GSDMA: variants seen among roughly 807,000 people sequenced by gnomAD.
GSDMA encodes gasdermin-A.
GSDMA carries 55 observed loss-of-function variants against 54.3 expected under a neutral mutation model. The observed-to-expected ratio is 1.01, with a 90% confidence interval of 0.82 to 1.27. The LOEUF is 1.27. GSDMA is among the 50% of genes most tolerant of loss of function. GSDMA has a pLI of 0.00. For missense variants in GSDMA, 542 were observed against 542.6 expected (o/e 1.00, Z 0.01); for synonymous variants, 211 against 224.7 (o/e 0.94, Z 0.54).
At chr17:39,971,201 A>G (rs1034735118) in intron 4 of GSDMA, among the ~76,000 whole-genome samples, 1 of 152,170 alleles carries the variant, frequency 6.6e-6, no homozygotes, top group Non-Finnish European at 1.5e-5. Context: ...CAGGGCTTGG[A>G]TGGAAGCTCT....
chr17:39,965,048 C>T lies in GSDMA; in HGVS notation c.-5-635C>T, dbSNP rs557085669. Among the ~76,000 whole-genome samples, 11 of 151,504 alleles carry T rather than the reference C, an allele frequency of 7.3e-5. No homozygotes were observed. The South Asian group carries it at 1.5e-3, about 20-fold the overall frequency. Reference sequence around the variant, plus strand: ...AGTGGGAGGATCAATTAAGCCTTGGCGGTCAAGGCTGCAGTGAGCTGTGAT... The same window carrying T: ...AGTGGGAGGATCAATTAAGCCTTGGTGGTCAAGGCTGCAGTGAGCTGTGAT... On this transcript the variant is annotated intron_variant, in intron 1 of 11. Coordinates refer to ENST00000301659, the MANE Select transcript of GSDMA (RefSeq NM_178171.5).
At chr17:39,965,155 G>A (rs984318011) in intron 1 of GSDMA, among the ~76,000 whole-genome samples, 6 of 148,952 alleles carry the variant, frequency 4.0e-5, no homozygotes, top group Admixed American at 2.7e-4. Context: ...AAGGAAAGGC[G>A]AGGTGGAGGG....
chr17:39,966,020 C>T, intron 2 of GSDMA, 119 bp downstream of exon 2: 1 of 956,694 alleles, frequency 1.0e-6, no homozygotes, highest in African/African-American at 1.6e-5. Context: ...TCATCTAGCC[C>T]AAAGTCATCA....
At chr17:39,976,548 G>A (rs540351697) in intron 11 of GSDMA, among the ~76,000 whole-genome samples, 1 of 152,304 alleles carries the variant, frequency 6.6e-6, no homozygotes, top group African/African-American at 2.4e-5. Context: ...AAAGTGCTGG[G>A]ATTACAGGTG....
At chr17:39,972,498 T>C in intron 6 of GSDMA, 89 bp from the exon 7 acceptor site, 1 of 1,192,540 alleles carries the variant, frequency 8.4e-7, no homozygotes, top group South Asian at 1.3e-5. Flanking sequence ...TTTATAATGA[T>C]CACTGATGAA....
Position 39,977,292 on chromosome 17 carries a change from CTTTTT to C in GSDMA, c.*247_*251del. ...CTTAAATTTTCTTTACTTTTCTTTT[CTTTTT>C]TTTTTTTTTTTTGAGATGGAGGCTC... On this transcript the variant is annotated 3_prime_UTR_variant, in exon 12 of 12. Coordinates refer to ENST00000301659, the MANE Select transcript of GSDMA (RefSeq NM_178171.5). The C allele has an allele frequency of 2.3e-4, 14 of 60,158 alleles. No homozygotes were observed. Among genetic ancestry groups the C allele is most frequent in the South Asian group, 1.2e-3 (4 of 3,408 alleles). 3.7% of individuals were successfully genotyped at this position (60,158 alleles called of 1,614,324 possible).
At chr17:39,973,059 C>G (rs1252700045) in intron 7 of GSDMA, among the ~76,000 whole-genome samples, 1 of 152,134 alleles carries the variant, frequency 6.6e-6, no homozygotes, top group Non-Finnish European at 1.5e-5. Context: ...GCAACCTCCA[C>G]CTCCCCGGTT....
intron 3 of GSDMA, among the ~76,000 whole-genome samples, chr17:39,968,945 CT>C (rs1229969341): frequency 1.1e-4 from 17 of 152,244 alleles, no homozygotes; most frequent in Middle Eastern, 3.4e-3. Flanking sequence ...TTTTGAGTTT[CT>C]GGTTCTGCTG....
chr17:39,966,215 C>G (rs1481344999), intron 2 of GSDMA, 45 bp from the exon 3 acceptor site: 2 of 1,601,492 alleles, frequency 1.2e-6, no homozygotes, highest in African/African-American at 2.7e-5. Context: ...GCATGAGTTA[C>G]TGCACCCAGC....
intron 10 of GSDMA, among the ~76,000 whole-genome samples, chr17:39,975,455 A>AT (rs1247211069): frequency 2.0e-5 from 3 of 151,862 alleles, no homozygotes; most frequent in Non-Finnish European, 4.4e-5. Flanking sequence ...TCAAAAAAAA[A>AT]AAAAATTGGT....
intron 1 of GSDMA, 99 bp downstream of exon 1, chr17:39,963,184 G>A (rs988515133): frequency 6.6e-6 from 1 of 152,356 alleles, no homozygotes; most frequent in Non-Finnish European, 1.5e-5. Context: ...AGTCCAGTGG[G>A]ATAAGTATCC....
At chr17:39,976,100 C>A in intron 11 of GSDMA, 103 bp downstream of exon 11, 2 of 758,440 alleles carry the variant, frequency 2.6e-6, no homozygotes, top group Non-Finnish European at 4.4e-6. Flanking sequence ...GGATCCCTGT[C>A]TTATCCCAGG....
At chr17:39,971,288 C>T (rs1287065435) in intron 4 of GSDMA, among the ~76,000 whole-genome samples, 1 of 152,064 alleles carries the variant, frequency 6.6e-6, no homozygotes, top group South Asian at 2.1e-4. Context: ...CTAGAACTGA[C>T]CTGACTAGAC....
At chr17:39,966,166 A>G in intron 2 of GSDMA, 94 bp from the exon 3 acceptor site, 1 of 1,340,668 alleles carries the variant, frequency 7.5e-7, no homozygotes, top group African/African-American at 1.5e-5. Flanking sequence ...GGCTCAAGCA[A>G]TCCTTCCACC....
intron 3 of GSDMA, 81 bp from the exon 4 acceptor site, chr17:39,970,401 G>C: frequency 7.7e-7 from 1 of 1,304,572 alleles, no homozygotes; most frequent in East Asian, 2.9e-5. Context: ...CTAGTTCCTG[G>C]GAATGACAGA....
intron 3 of GSDMA, 108 bp from the exon 4 acceptor site, chr17:39,970,374 C>A: frequency 2.7e-6 from 3 of 1,099,048 alleles, no homozygotes; most frequent in Non-Finnish European, 3.7e-6. Flanking sequence ...CTCACTCCTT[C>A]CCTGCCACCA....
At position 39,977,278 on chromosome 17, in the gene GSDMA, T is replaced by C. The variant is rs1327165979; in HGVS notation, c.*220T>C. 5.1e-6 allele frequency: 2 copies of C among 391,842 alleles called. No homozygotes were observed. Among genetic ancestry groups the C allele is most frequent in the Admixed American group, 5.9e-5 (1 of 16,858 alleles). 24.3% of individuals were successfully genotyped at this position (391,842 alleles called of 1,614,324 possible). On this transcript the variant is annotated 3_prime_UTR_variant, in exon 12 of 12. Transcript: ENST00000301659. Reference sequence around the variant, plus strand: ...CCCATCTGCTGATGCTTAAATTTTCTTTACTTTTCTTTTCTTTTTTTTTTT... The same window carrying C: ...CCCATCTGCTGATGCTTAAATTTTCCTTACTTTTCTTTTCTTTTTTTTTTT...
At chr17:39,968,569 A>T (rs1220858150) in intron 3 of GSDMA, among the ~76,000 whole-genome samples, 2 of 144,476 alleles carry the variant, frequency 1.4e-5, no homozygotes, top group African/African-American at 2.6e-5. Context: ...GCTGGTCTCG[A>T]ACTCCTGACC....
At chr17:39,975,602 A>G (rs1211726298) in intron 10 of GSDMA, among the ~76,000 whole-genome samples, 1 of 152,198 alleles carries the variant, frequency 6.6e-6, no homozygotes, top group Non-Finnish European at 1.5e-5. Context: ...CATCACTTCT[A>G]TCCTGATACC....
Sources: gnomAD v4.1 joint callset for allele counts (sites outside exome capture counted in the v4.1 genomes callset) on GRCh38, gnomAD v4.1.1 for gene constraint, MANE v1.5 for transcripts, NCBI Gene and HGNC (gene_info 2026-07-23, HGNC 2026-07-21) for gene names.